ATG4C: variants seen among roughly 807,000 people sequenced by gnomAD.
ATG4C encodes the protein cysteine protease ATG4C.
Under a neutral mutation model 57.6 loss-of-function variants are expected in ATG4C, and 56 were observed. The observed-to-expected ratio is 0.97, with a 90% CI of 0.78 to 1.21. The LOEUF (loss-of-function observed/expected upper bound fraction) is 1.21, where lower values mean the gene tolerates loss of function less well. ATG4C is among the 50% of genes most tolerant of loss of function. ATG4C has a pLI of 0.00. For missense variants in ATG4C, 595 were observed against 529.8 expected (o/e 1.12, Z -1.21); for synonymous variants, 157 against 174.1 (o/e 0.90, Z 0.78).
At chr1:62,832,396 C>A (rs1293160802) in intron 7 of ATG4C, among the ~76,000 whole-genome samples, 1 of 152,216 alleles carries the variant, frequency 6.6e-6, no homozygotes, top group East Asian at 1.9e-4. Flanking sequence ...GATGGGAAAT[C>A]TAAGATCAAG....
In ATG4C at chr1:62,819,354, C is replaced by A. The variant is rs1273264092; in HGVS notation, c.725+19C>A. The A allele has an allele frequency of 1.6e-5, 25 of 1,550,158 alleles. No homozygotes were observed. The highest frequency in any genetic ancestry group is 2.1e-5 in the Non-Finnish European group (24 of 1,153,076). On this transcript the variant is annotated intron_variant, in intron 5 of 10. Transcript: ENST00000317868. Reference sequence around the variant, plus strand: ...TTTTAAGGTAAAATTGTTTTAAAATCTTTCTTCTTGTGACAGAGGTCCTCA... The same window carrying A: ...TTTTAAGGTAAAATTGTTTTAAAATATTTCTTCTTGTGACAGAGGTCCTCA...
rs189600368 is a variant in ATG4C at position 62,792,640 on chromosome 1, T to C, written c.-69+8367T>C. 2.5e-3 allele frequency among the ~76,000 whole-genome samples: 376 copies of C among 152,328 alleles called. 2 individuals carry two copies. The highest frequency in any genetic ancestry group is 7.2e-3 in the Admixed American group (110 of 15,306). ...AGTTATGGATGCTCTAGAACAGATATGAAAATACACAGTTTAAAACATCAT... is the reference window on the plus strand; with the variant it reads ...AGTTATGGATGCTCTAGAACAGATACGAAAATACACAGTTTAAAACATCAT... On this transcript the variant is annotated intron_variant, in intron 1 of 10. Coordinates refer to ENST00000317868, the MANE Select transcript of ATG4C (RefSeq NM_032852.4).
intron 1 of ATG4C, among the ~76,000 whole-genome samples, chr1:62,795,615 G>A (rs10159254): frequency 0.02 from 3,096 of 152,262 alleles, 109 homozygotes; most frequent in African/African-American, 0.071. Flanking sequence ...GATGGCAGGT[G>A]ATAAGGTTGT....
intron 10 of ATG4C, among the ~76,000 whole-genome samples, chr1:62,862,686 T>G (rs1190353029): frequency 2.0e-5 from 3 of 152,112 alleles, no homozygotes; most frequent in Admixed American, 6.5e-5. Context: ...TAATATTGAT[T>G]GTTTTTTAAT....
intron 6 of ATG4C, among the ~76,000 whole-genome samples, chr1:62,827,143 A>T (rs1449170156): frequency 6.6e-6 from 1 of 152,174 alleles, no homozygotes; most frequent in African/African-American, 2.4e-5. Flanking sequence ...GCTTCCCATC[A>T]TTGAAAAACT....
rs180803108 is a variant in ATG4C, at chr1:62,863,239, T to C, written c.1210-753T>C. 1.9e-4 allele frequency among the ~76,000 whole-genome samples: 29 copies of C among 152,168 alleles called. No individual in the cohort carries two copies. The East Asian group carries it at 4.2e-3, about 22-fold the overall frequency. ...TGTAATGTAACTTTAGAAGATAATA[T>C]GTAAAATGTGGATTATTACTATGTG... On this transcript the variant is annotated intron_variant, in intron 10 of 10. Transcript: ENST00000317868.
rs778513035 is a variant in ATG4C at position 62,819,129 on chromosome 1, C to T, written c.519C>T (p.Thr173=). Residue 173 remains threonine (T), a synonymous_variant, in exon 5 of 11, where the codon ACC becomes ACT. Coordinates refer to ENST00000317868, the MANE Select transcript of ATG4C (RefSeq NM_032852.4). ...ASLSGEREFK[T]PTISLKETIG... ...TTTCAGGGGAAAGAGAATTCAAAACCCCAACAATTTCTCTGAAGGAAACAA... is the reference window on the plus strand; with the variant it reads ...TTTCAGGGGAAAGAGAATTCAAAACTCCAACAATTTCTCTGAAGGAAACAA... 3 of 1,613,094 alleles carry T rather than the reference C, an allele frequency of 1.9e-6. No homozygotes were observed. The highest frequency in any genetic ancestry group is 3.3e-5 in the Admixed American group (2 of 59,916).
At chr1:62,849,429 C>G (rs1040079693) in intron 10 of ATG4C, among the ~76,000 whole-genome samples, 36 of 151,952 alleles carry the variant, frequency 2.4e-4, no homozygotes, top group Admixed American at 2.0e-4. Flanking sequence ...TAGACTTTGC[C>G]TCTCTAAGAT....
chr1:62,857,318 ATT>A (rs1460328762), intron 10 of ATG4C, among the ~76,000 whole-genome samples: 2 of 152,070 alleles, frequency 1.3e-5, no homozygotes, highest in African/African-American at 4.8e-5. Flanking sequence ...TGTGAACCCT[ATT>A]GTGAACTGCA....
chr1:62,810,711 G>GTTTTTTT (rs10677674), intron 3 of ATG4C, among the ~76,000 whole-genome samples: 1 of 141,530 alleles, frequency 7.1e-6, no homozygotes, highest in Non-Finnish European at 1.5e-5. Context: ...TTGAGTCCTT[G>GTTTTTTT]TTTTTTTTTT....
At position 62,834,628 on chromosome 1, in the gene ATG4C, T is replaced by C. The variant is rs553787031; in HGVS notation, c.1013-148T>C. On this transcript the variant is annotated intron_variant, in intron 8 of 10. Transcript: ENST00000317868. ...ATTATGCAAAAGTTAATCTATCCTGTGCAAACCTATGTTTCAGTCAATGAA... is the reference window on the plus strand; with the variant it reads ...ATTATGCAAAAGTTAATCTATCCTGCGCAAACCTATGTTTCAGTCAATGAA... 3 of 625,784 alleles carry C rather than the reference T, an allele frequency of 4.8e-6. No homozygotes were observed. In the Admixed American group the frequency reaches 9.0e-5, roughly 19 times the overall value. 38.8% of individuals were successfully genotyped at this position (625,784 alleles called of 1,614,324 possible). A position where few individuals can be genotyped will look rare whatever the true frequency, so the allele number is the denominator to read the frequency against.
At chr1:62,838,564 G>A (rs1232003102) in intron 9 of ATG4C, among the ~76,000 whole-genome samples, 1 of 152,150 alleles carries the variant, frequency 6.6e-6, no homozygotes, top group Non-Finnish European at 1.5e-5. Context: ...GATCACCTGA[G>A]GTCAGGAGTT....
intron 9 of ATG4C, among the ~76,000 whole-genome samples, chr1:62,838,837 A>G (rs1360709016): frequency 6.6e-6 from 1 of 151,984 alleles, no homozygotes; most frequent in Non-Finnish European, 1.5e-5. Context: ...TATGAGTCCT[A>G]GTGCTCATGC....
Position 62,863,998 on chromosome 1 carries a change from A to C in ATG4C, c.1216A>C (p.Lys406Gln), listed in dbSNP as rs781531420. The change falls in exon 11 of 11, where the codon AAA (lysine) becomes CAA (glutamine). Residue 406 changes from lysine to glutamine, a missense_variant. Physicochemically the swap from Lys to Gln is moderately conservative, Grantham distance 53 (BLOSUM62 1). Coordinates refer to ENST00000317868, the MANE Select transcript of ATG4C (RefSeq NM_032852.4). ...TCTATACTTTCTGTTACAGATGCTG[A>C]AATTTTCTTCTAAGGAGAAATATCC... is the stretch of plus-strand genomic sequence containing the variant. Reference protein sequence around the residue: ...RASEEITKMLKFSSKEKYPLF... With the variant: ...RASEEITKMLQFSSKEKYPLF... 2 of 1,570,290 alleles carry C rather than the reference A, an allele frequency of 1.3e-6. No individual in the cohort carries two copies. The highest frequency in any genetic ancestry group is 4.5e-5 in the East Asian group (2 of 44,212).
At position 62,854,822 on chromosome 1, in the gene ATG4C, CAAAG is replaced by C. The variant is rs1472025636; in HGVS notation, c.1210-9166_1210-9163del. On this transcript the variant is annotated intron_variant, in intron 10 of 10. Transcript: ENST00000317868. ...TTTCTCTGGAGTTGTTTCGTTTTCT[CAAAG>C]AAAAGTTTTGCCGTCTCTTAAGAGC... Among the ~76,000 whole-genome samples, 11 of 152,022 alleles carry C rather than the reference CAAAG, an allele frequency of 7.2e-5. No individual in the cohort carries two copies. The East Asian group carries it at 2.1e-3, about 29-fold the overall frequency.
chr1:62,857,435 C>G (rs61767099), intron 10 of ATG4C, among the ~76,000 whole-genome samples: 102 of 152,272 alleles, frequency 6.7e-4, no homozygotes, highest in Middle Eastern at 3.4e-3. Flanking sequence ...TGCAGGAAAA[C>G]AAGCTCAGGG....
intron 6 of ATG4C, among the ~76,000 whole-genome samples, chr1:62,822,153 T>C (rs995391055): frequency 6.6e-6 from 1 of 152,174 alleles, no homozygotes; most frequent in Non-Finnish European, 1.5e-5. Flanking sequence ...TGTTAATGTT[T>C]TAGAAAAGTT....
intron 1 of ATG4C, among the ~76,000 whole-genome samples, chr1:62,802,139 C>T (rs1572103109): frequency 1.3e-5 from 2 of 151,984 alleles, no homozygotes; most frequent in Admixed American, 1.3e-4. Flanking sequence ...TAGTTTCACA[C>T]ACCAAAGCCT....
At chr1:62,835,389 AT>A in intron 9 of ATG4C, 1 of 358,040 alleles carries the variant, frequency 2.8e-6, no homozygotes, top group Admixed American at 3.9e-5. Flanking sequence ...TATACAGGTC[AT>A]TTTGTGATCC....
Sources: gnomAD v4.1 joint callset for allele counts (sites outside exome capture counted in the v4.1 genomes callset) on GRCh38, gnomAD v4.1.1 for gene constraint, MANE v1.5 for transcripts, NCBI Gene and HGNC (gene_info 2026-07-23, HGNC 2026-07-21) for gene names.